The following HARS1 variants were observed in gnomAD, a reference collection of about 807,000 sequenced individuals.
HARS1 encodes the protein histidyl-tRNA synthetase 1.
Under a neutral mutation model 63.6 loss-of-function variants are expected in HARS1, and 45 were observed. The observed-to-expected ratio is 0.71, with a 90% CI of 0.56 to 0.91. The LOEUF (loss-of-function observed/expected upper bound fraction) is 0.91. HARS1 is among the 40% of genes least tolerant of loss of function. HARS1 has a pLI of 0.00. For synonymous variants in HARS1, 205 were observed against 247.1 expected (o/e 0.83, Z 1.60); for missense variants, 508 against 643.2 (o/e 0.79, Z 2.27).
intron 2 of HARS1, chr5:140,683,594 G>A (rs1470737939): frequency 3.3e-6 from 2 of 610,756 alleles, no homozygotes; most frequent in Non-Finnish European, 4.2e-6. Context: ...CACTTCGGGA[G>A]GCCAAGGCAG....
In HARS1 at chr5:140,691,000, G is replaced by C. The variant is rs972288293; in HGVS notation, c.91-56C>G. On this transcript the variant is annotated intron_variant, in intron 1 of 12. Coordinates refer to ENST00000504156, the MANE Select transcript of HARS1 (RefSeq NM_002109.6). ...CATCTGTCACTCTCCTCCCTCCCCC[G>C]CCATTCATTCAATATTCCTCCCTCA... The C allele has an allele frequency of 3.3e-5, 35 of 1,075,680 alleles. No homozygotes were observed. In the Admixed American group the frequency reaches 5.9e-4, roughly 18 times the overall value. The allele number at this position is 1,075,680 out of a possible 1,614,324, so 66.6% of individuals were successfully genotyped here. A position where few individuals can be genotyped will look rare whatever the true frequency, so the allele number is the denominator to read the frequency against.
chr5:140,685,827 C>T (rs1318228578), intron 2 of HARS1, among the ~76,000 whole-genome samples: 1 of 151,972 alleles, frequency 6.6e-6, no homozygotes, highest in Non-Finnish European at 1.5e-5. Context: ...GATCCTTTGC[C>T]TGTGCATGAT....
chr5:140,682,195 C>T (rs1429626026), intron 3 of HARS1, among the ~76,000 whole-genome samples: 2 of 151,646 alleles, frequency 1.3e-5, no homozygotes, highest in Admixed American at 6.6e-5. Flanking sequence ...GCAGCCTGGG[C>T]AACATAGCAA....
At position 140,680,291 on chromosome 5, in the gene HARS1, C is replaced by T. The variant is rs542318311; in HGVS notation, c.301-408G>A. The stretch of plus-strand genomic sequence containing the variant: ...CCTCCAGAGTGGCTGCGACTACAGG[C>T]GGGTGCCACCATGCCCGGCTAAGTT... On this transcript the variant is annotated intron_variant, in intron 3 of 12. Transcript: ENST00000504156. 4.7e-4 allele frequency among the ~76,000 whole-genome samples: 72 copies of T among 151,932 alleles called. 1 individual carries two copies. The highest frequency in any genetic ancestry group is 3.5e-3 in the Admixed American group (54 of 15,250).
rs763873418 is a variant in HARS1, at chr5:140,674,234, T to C, written c.*23A>G. 6.0e-6 allele frequency: 9 copies of C among 1,498,822 alleles called. No individual in the cohort carries two copies. In the South Asian group the frequency reaches 6.8e-5, roughly 11 times the overall value. 92.8% of individuals were successfully genotyped at this position (1,498,822 alleles called of 1,614,324 possible). A position where few individuals can be genotyped will look rare whatever the true frequency, so the allele number is the denominator to read the frequency against. On this transcript the variant is annotated 3_prime_UTR_variant, in exon 13 of 13. Coordinates refer to ENST00000504156, the MANE Select transcript of HARS1 (RefSeq NM_002109.6). ...CTCAAATAGTGCCAGTCCCACTTCC[T>C]TTCCTCTGATAGTTTGTTCAGTTCA...
intron 2 of HARS1, among the ~76,000 whole-genome samples, chr5:140,685,539 G>A (rs1391917699): frequency 6.6e-6 from 1 of 151,994 alleles, no homozygotes; most frequent in Admixed American, 6.6e-5. Flanking sequence ...GGCCAACATG[G>A]TGAAACCCCA....
intron 6 of HARS1, 40 bp from the exon 7 acceptor site, chr5:140,677,793 T>C (rs747765144): frequency 9.7e-6 from 14 of 1,444,398 alleles, no homozygotes; most frequent in Non-Finnish European, 1.4e-5. Context: ...GAATCTCTTT[T>C]CTTACATGAC....
In HARS1 at chr5:140,676,638, A is replaced by G; in HGVS notation, c.1194+16T>C. ...CACCTGCTCAGACTATCTTCTACCTACCTCCTAGGACCTACCTCTAGTCTC... is the reference window on the plus strand; with the variant it reads ...CACCTGCTCAGACTATCTTCTACCTGCCTCCTAGGACCTACCTCTAGTCTC... On this transcript the variant is annotated intron_variant, in intron 10 of 12. Transcript: ENST00000504156. This position sits in a 1 kb window ranked among gnomAD's most constrained non-coding sequence, Gnocchi z 4.1. 2.5e-6 allele frequency: 4 copies of G among 1,611,260 alleles called. No individual in the cohort carries two copies. Among genetic ancestry groups the G allele is most frequent in the Non-Finnish European group, 3.4e-6 (4 of 1,177,754 alleles).
chr5:140,683,506 A>G lies in HARS1; in HGVS notation c.181-287T>C, dbSNP rs801189. ...GCCATTTTTCTAAACACTCTCTCTCAGATAACAGAACATTTCCTGGCCTAA... is the reference window on the plus strand; with the variant it reads ...GCCATTTTTCTAAACACTCTCTCTCGGATAACAGAACATTTCCTGGCCTAA... On this transcript the variant is annotated intron_variant, in intron 2 of 12. Coordinates refer to ENST00000504156, the MANE Select transcript of HARS1 (RefSeq NM_002109.6). The G allele has an allele frequency of 0.43, 499,643 of 1,151,392 alleles. 109,385 individuals carry two copies. Among genetic ancestry groups the G allele is most frequent in the East Asian group, 0.46 (8,294 of 18,210 alleles). The allele number at this position is 1,151,392 out of a possible 1,614,324, so 71.3% of individuals were successfully genotyped here.
Position 140,680,446 on chromosome 5 carries a change from G to A in HARS1, c.301-563C>T, listed in dbSNP as rs543035011. 4.6e-5 allele frequency among the ~76,000 whole-genome samples: 7 copies of A among 152,202 alleles called. No individual in the cohort carries two copies. In the South Asian group the frequency reaches 1.5e-3, roughly 32 times the overall value. On this transcript the variant is annotated intron_variant, in intron 3 of 12. Coordinates refer to ENST00000504156, the MANE Select transcript of HARS1 (RefSeq NM_002109.6). The stretch of plus-strand genomic sequence containing the variant: ...AAGTGCGAGCCACAGCGCCCGGCCT[G>A]AAGTGTTTTTAAAAGATGCATAAAT...
chr5:140,683,039 CTTCT>C, intron 3 of HARS1, 57 bp downstream of exon 3: 1 of 1,547,948 alleles, frequency 6.5e-7, no homozygotes, highest in Non-Finnish European at 8.9e-7. Context: ...TTGTTGTCAT[CTTCT>C]TTGTTATTCA....
Position 140,674,791 on chromosome 5 carries a change from A to G in HARS1, c.1346T>C (p.Leu449Pro), listed in dbSNP as rs957882499. Residue 449 changes from leucine (L) to proline (P), a missense_variant, in exon 12 of 13, where the codon CTG becomes CCG. By Grantham distance (98) the Leu-to-Pro change is moderately conservative. Coordinates refer to ENST00000504156, the MANE Select transcript of HARS1 (RefSeq NM_002109.6). The stretch of plus-strand genomic sequence containing the variant: ...CTCCTCACAGTACTGTAACTGGTTC[A>G]GTAGCTTTGGGTTCTTCTTGTACAG... ...ELLYKKNPKLLNQLQYCEEAG... is the reference protein window; with the variant it reads ...ELLYKKNPKLPNQLQYCEEAG... 2 of 1,614,180 alleles carry G rather than the reference A, an allele frequency of 1.2e-6. No individual in the cohort carries two copies. Among genetic ancestry groups the G allele is most frequent in the Non-Finnish European group, 1.7e-6 (2 of 1,180,022 alleles).
intron 12 of HARS1, 59 bp downstream of exon 12, chr5:140,674,620 G>A (rs1222868108): frequency 1.3e-6 from 2 of 1,584,908 alleles, no homozygotes; most frequent in African/African-American, 2.7e-5. Flanking sequence ...GAATGGGCAT[G>A]GGCCTGCCAA....
In HARS1 at chr5:140,677,442, A is replaced by G. The variant is rs144457474; in HGVS notation, c.730-22T>C. ...ACACCTAGGCAGACAGACACCAGTC[A>G]GGGACCCCTGGGCAGCTTCCGCACC... On this transcript the variant is annotated intron_variant, in intron 7 of 12. Transcript: ENST00000504156. The G allele has an allele frequency of 1.6e-4, 249 of 1,575,228 alleles. 1 individual carries two copies. In the African/African-American group the frequency reaches 2.9e-3, roughly 18 times the overall value.
rs780782941 is a variant in HARS1 at position 140,691,344 on chromosome 5, G to A, written c.-40C>T. 4.0e-6 allele frequency: 6 copies of A among 1,490,782 alleles called. No homozygotes were observed. The highest frequency in any genetic ancestry group is 1.8e-4 in the Middle Eastern group (1 of 5,700). 92.3% of individuals were successfully genotyped at this position (1,490,782 alleles called of 1,614,324 possible). ...TGAGCCGCCTGCTGTCTCGACCTGC[G>A]GTGGTTGCCCCAGCCTCAGCAAGGA... On this transcript the variant is annotated 5_prime_UTR_variant, in exon 1 of 13. Coordinates refer to ENST00000504156, the MANE Select transcript of HARS1 (RefSeq NM_002109.6).
At chr5:140,674,648 G>A (rs1758247261) in intron 12 of HARS1, 31 bp downstream of exon 12, 1 of 1,613,104 alleles carries the variant, frequency 6.2e-7, no homozygotes, top group Non-Finnish European at 8.5e-7. Flanking sequence ...TACATTCTCT[G>A]TCCCTTAGCC....
At position 140,677,771 on chromosome 5, in the gene HARS1, A is replaced by G. The variant is rs1321179696; in HGVS notation, c.631-18T>C. 2.0e-6 allele frequency: 3 copies of G among 1,534,808 alleles called. No homozygotes were observed. The highest frequency in any genetic ancestry group is 2.7e-6 in the Non-Finnish European group (3 of 1,108,868). The stretch of plus-strand genomic sequence containing the variant: ...TCGTTTACCTGCAAGGAACCAATGC[A>G]TAGTGAGGGGGGAATCTCTTTTCTT... On this transcript the variant is annotated intron_variant, in intron 6 of 12. Coordinates refer to ENST00000504156, the MANE Select transcript of HARS1 (RefSeq NM_002109.6).
intron 2 of HARS1, chr5:140,684,364 A>T: frequency 1.0e-6 from 1 of 983,694 alleles, no homozygotes; most frequent in South Asian, 4.7e-5. Flanking sequence ...CTACATGATT[A>T]TAGGCAATAT....
In HARS1 at chr5:140,677,014, A is replaced by G; in HGVS notation, c.926T>C (p.Leu309Pro). ...TTTGTCATCAATGCCAAATAGGGTC[A>G]GGTACTCAAAGAGCAACTTCAGGTC... is the stretch of plus-strand genomic sequence containing the variant. ...LGDLKLLFEY[L>P]TLFGIDDKIS... The change falls in exon 9 of 13, where the codon CTG becomes CCG. Residue 309 changes from leucine (L) to proline (P), a missense_variant. Transcript: ENST00000504156. The G allele has an allele frequency of 6.2e-7, 1 of 1,614,242 alleles. No individual in the cohort carries two copies. The highest frequency in any genetic ancestry group is 8.5e-7 in the Non-Finnish European group (1 of 1,180,028).
Sources: gnomAD v4.1 joint callset for allele counts (sites outside exome capture counted in the v4.1 genomes callset) on GRCh38, gnomAD v4.1.1 for gene constraint, Gnocchi (gnomAD v3.1) non-coding constraint, MANE v1.5 for transcripts, NCBI Gene and HGNC (gene_info 2026-07-23, HGNC 2026-07-21) for gene names.